CEP85L: variants seen among roughly 807,000 people sequenced by gnomAD.
CEP85L encodes centrosomal protein 85L.
In CEP85L, 60 loss-of-function variants were observed where a neutral mutation model predicts 100.3. The observed-to-expected ratio is 0.60, with a 90% confidence interval of 0.49 to 0.74. The LOEUF (loss-of-function observed/expected upper bound fraction) is 0.74. Ranked by LOEUF, CEP85L falls within the 30% of genes least tolerant of loss-of-function variation. CEP85L has a pLI of 0.00. For synonymous variants in CEP85L, 319 were observed against 322.7 expected (o/e 0.99, Z 0.12); for missense variants, 973 against 936.2 (o/e 1.04, Z -0.51).
Position 118,469,294 on chromosome 6 carries a change from G to C in CEP85L, c.2032C>G (p.Gln678Glu), listed in dbSNP as rs1251371234. ...LTKALLENQR[Q>E]TDETCSLLDQ... ...AATAAAGAGCATGTCTCATCTGTTT[G>C]TCTTTGGTTCTGCAAGGATAAAGAA... Residue 678 changes from glutamine (Q) to glutamate (E), a missense_variant, in exon 12 of 13, where the codon CAA (glutamine) becomes GAA (glutamate). Around this residue, in one of 3 missense-constraint regions of CEP85L, gnomAD observed 890 missense variants for 844.5 expected, o/e 1.05. Coordinates refer to ENST00000368491, the MANE Select transcript of CEP85L (RefSeq NM_001042475.3). The C allele has an allele frequency of 6.2e-7, 1 of 1,613,108 alleles. No individual in the cohort carries two copies. Among genetic ancestry groups the C allele is most frequent in the Non-Finnish European group, 8.5e-7 (1 of 1,179,146 alleles).
At chr6:118,557,418 G>C (rs764638719) in intron 3 of CEP85L, among the ~76,000 whole-genome samples, 2 of 152,158 alleles carry the variant, frequency 1.3e-5, no homozygotes, top group Non-Finnish European at 2.9e-5. Context: ...AATACAGCAG[G>C]TCCTCAAATA....
intron 4 of CEP85L, among the ~76,000 whole-genome samples, chr6:118,522,036 G>C (rs866770289): frequency 2.6e-5 from 4 of 152,060 alleles, no homozygotes; most frequent in Non-Finnish European, 5.9e-5. Context: ...ATCCATGTAA[G>C]TAAAACTGAA....
At chr6:118,658,104 C>T (rs560680334) in intron 1 of CEP85L, among the ~76,000 whole-genome samples, 6 of 152,166 alleles carry the variant, frequency 3.9e-5, no homozygotes, top group Admixed American at 3.9e-4. Flanking sequence ...AGGAGTGGAC[C>T]TTTTTGCTAA....
intron 1 of CEP85L, among the ~76,000 whole-genome samples, chr6:118,686,130 T>A (rs1776821024): frequency 6.6e-6 from 1 of 151,508 alleles, no homozygotes; most frequent in Admixed American, 6.6e-5. Flanking sequence ...TCAGGTAAAA[T>A]CAAGGTCTGT....
intron 1 of CEP85L, among the ~76,000 whole-genome samples, chr6:118,650,491 A>C (rs1167621767): frequency 1.3e-5 from 2 of 152,194 alleles, no homozygotes; most frequent in African/African-American, 4.8e-5. Context: ...ATTTTCCTTG[A>C]AGGGGCCACG....
intron 2 of CEP85L, among the ~76,000 whole-genome samples, chr6:118,624,405 C>T (rs893427702): frequency 1.3e-5 from 2 of 152,102 alleles, no homozygotes; most frequent in Non-Finnish European, 2.9e-5. Flanking sequence ...CTTCTTCCCT[C>T]CTCCTTTCTA....
chr6:118,560,493 A>C (rs1779162152), intron 3 of CEP85L: 1 of 166,978 alleles, frequency 6.0e-6, no homozygotes, highest in Non-Finnish European at 1.5e-5. Flanking sequence ...GAGGAAGAGA[A>C]GGCGTTGGTC....
chr6:118,482,580 CTTTAG>C (rs1376264202), intron 7 of CEP85L, among the ~76,000 whole-genome samples: 1 of 152,148 alleles, frequency 6.6e-6, no homozygotes, highest in Non-Finnish European at 1.5e-5. Context: ...TATATACCAC[CTTTAG>C]TTTATCCATT....
At chr6:118,707,027 G>C (rs868058519) in intron 1 of CEP85L, among the ~76,000 whole-genome samples, 1 of 152,034 alleles carries the variant, frequency 6.6e-6, no homozygotes, top group Admixed American at 6.6e-5. Flanking sequence ...ACTTCAATGA[G>C]TTCATCTTCA....
chr6:118,496,356 TTTTTATTTTATTTTA>T (rs553361650), intron 5 of CEP85L, among the ~76,000 whole-genome samples: 27 of 139,528 alleles, frequency 1.9e-4, no homozygotes, highest in East Asian at 6.1e-4. Context: ...TATTTTATAT[TTTTTATTTTATTTTA>T]TTTTATTTTA....
chr6:118,477,020 C>T (rs939872064), intron 10 of CEP85L, among the ~76,000 whole-genome samples: 2 of 152,168 alleles, frequency 1.3e-5, no homozygotes, highest in Admixed American at 6.5e-5. Context: ...AACTCAATCA[C>T]ATTCTGACTG....
At chr6:118,618,997 T>C (rs543819651) in intron 2 of CEP85L, among the ~76,000 whole-genome samples, 9 of 152,248 alleles carry the variant, frequency 5.9e-5, no homozygotes, top group African/African-American at 2.2e-4. Context: ...GCAAGGATGA[T>C]TTCCATTCTG....
intron 3 of CEP85L, among the ~76,000 whole-genome samples, chr6:118,554,440 C>A (rs1442676002): frequency 6.6e-6 from 1 of 152,128 alleles, no homozygotes; most frequent in Non-Finnish European, 1.5e-5. Flanking sequence ...AGCCACCATG[C>A]CCTGCCCACA....
chr6:118,582,314 G>A (rs145209098), intron 2 of CEP85L, among the ~76,000 whole-genome samples: 336 of 152,234 alleles, frequency 2.2e-3, no homozygotes, highest in African/African-American at 7.6e-3. Context: ...TGATGACTCC[G>A]ATAAGTATAT....
intron 9 of CEP85L, 113 bp downstream of exon 9, chr6:118,480,283 T>A (rs1204617544): frequency 2.5e-5 from 14 of 569,606 alleles, no homozygotes; most frequent in Non-Finnish European, 4.2e-5. Context: ...ACTATGTAAG[T>A]GATTAAATAT....
chr6:118,614,645 G>A (rs1472854859), intron 2 of CEP85L, among the ~76,000 whole-genome samples: 7 of 152,118 alleles, frequency 4.6e-5, no homozygotes, highest in Non-Finnish European at 8.8e-5. Context: ...GGAGTTCAAG[G>A]ACAGCCTGAC....
chr6:118,692,947 G>A (rs758950869), intron 1 of CEP85L, among the ~76,000 whole-genome samples: 1 of 152,136 alleles, frequency 6.6e-6, no homozygotes, highest in Non-Finnish European at 1.5e-5. Flanking sequence ...TGAGGTTGGG[G>A]CTATTTATAT....
chr6:118,500,618 C>T (rs1247948212), intron 5 of CEP85L, among the ~76,000 whole-genome samples: 2 of 152,140 alleles, frequency 1.3e-5, no homozygotes, highest in African/African-American at 2.4e-5. Context: ...AAGGTGCCCC[C>T]GACCCCTTCT....
intron 3 of CEP85L, among the ~76,000 whole-genome samples, chr6:118,532,791 G>A (rs935060822): frequency 1.3e-5 from 2 of 152,002 alleles, no homozygotes; most frequent in African/African-American, 4.8e-5. Context: ...TTTGAGAAAG[G>A]TAATAGGGCT....
Sources: gnomAD v4.1 joint callset for allele counts (sites outside exome capture counted in the v4.1 genomes callset) on GRCh38, gnomAD v4.1.1 for gene constraint, gnomAD v4.1.1 regional missense constraint, MANE v1.5 for transcripts, NCBI Gene and HGNC (gene_info 2026-07-23, HGNC 2026-07-21) for gene names.